The following ZNF90 variants were observed in gnomAD, a reference collection of about 807,000 sequenced individuals.
The protein encoded by ZNF90 is zinc finger protein 90, also known as zinc finger protein HTF9.
Under a neutral mutation model 12.0 loss-of-function variants are expected in ZNF90, and 11 were observed. That is an observed-to-expected ratio of 0.92 (90% CI 0.58 to 1.52). The LOEUF (loss-of-function observed/expected upper bound fraction) is 1.52. Ranked by LOEUF, ZNF90 falls within the 40% of genes most tolerant of loss-of-function variation. The probability of loss-of-function intolerance (pLI) is 0.00; values close to 1 mark genes in which losing one functional copy is unlikely to be tolerated. For missense variants in ZNF90, 765 were observed against 711.5 expected, an observed-to-expected ratio of 1.08 and a Z score of -0.86; for synonymous variants, 232 against 240.1, an observed-to-expected ratio of 0.97 and a Z score of 0.31.
Position 20,119,169 on chromosome 19 carries a change from T to C in ZNF90, c.1615T>C (p.Cys539Arg). The C allele has an allele frequency of 6.2e-7, 1 of 1,612,934 alleles. No individual in the cohort carries two copies. Among genetic ancestry groups the C allele is most frequent in the Non-Finnish European group, 8.5e-7 (1 of 1,179,350 alleles). The change falls in exon 4 of 4, where the codon TGT (cysteine) becomes CGT (arginine). Residue 539 changes from cysteine (C) to arginine (R), a missense_variant. Cys to Arg is a radical substitution (Grantham distance 180, BLOSUM62 -3). Coordinates refer to ENST00000418063, the MANE Select transcript of ZNF90 (RefSeq NM_007138.2). The part of the protein sequence containing the change: ...IIHTGAKPYK[C>R]EECGKAFKRS... ...TCATACTGGAGCGAAACCCTACAAATGTGAAGAATGTGGCAAAGCCTTTAA... is the reference window on the plus strand; with the variant it reads ...TCATACTGGAGCGAAACCCTACAAACGTGAAGAATGTGGCAAAGCCTTTAA...
intron 2 of ZNF90, among the ~76,000 whole-genome samples, chr19:20,104,779 G>A (rs2089018779): frequency 6.6e-6 from 1 of 152,210 alleles, no homozygotes; most frequent in South Asian, 2.1e-4. Flanking sequence ...CAGGTCGCCT[G>A]AGGTCAGCAG....
rs2089187701 is a variant in ZNF90, at chr19:20,120,701, A to ATGCTC, written c.*1341_*1342insTGCTC. 1.3e-5 allele frequency: 2 copies of ATGCTC among 152,236 alleles called. No homozygotes were observed. Among genetic ancestry groups the ATGCTC allele is most frequent in the African/African-American group, 2.4e-5 (1 of 41,460 alleles). 9.4% of individuals were successfully genotyped at this position (152,236 alleles called of 1,614,324 possible). A position where few individuals can be genotyped will look rare whatever the true frequency, so the allele number is the denominator to read the frequency against. Reference sequence around the variant, plus strand: ...ACACTAAAACAGTGTTGAGTATAAAAAAGAATCCACAACAAAAATTGTTAG... The same window carrying ATGCTC: ...ACACTAAAACAGTGTTGAGTATAAAATGCTCAAGAATCCACAACAAAAATTGTTAG... On this transcript the variant is annotated 3_prime_UTR_variant, in exon 4 of 4. Transcript: ENST00000418063.
chr19:20,109,598 T>C (rs188235311), intron 3 of ZNF90, among the ~76,000 whole-genome samples: 95 of 152,124 alleles, frequency 6.2e-4, no homozygotes, highest in African/African-American at 2.1e-3. Flanking sequence ...GGGTCAGGCA[T>C]GGTTGTGGCT....
At chr19:20,101,113 T>G (rs2088986292) in intron 1 of ZNF90, among the ~76,000 whole-genome samples, 5 of 152,082 alleles carry the variant, frequency 3.3e-5, no homozygotes, top group Admixed American at 3.3e-4. Flanking sequence ...CCAGACCCAC[T>G]GAAGACTTCC....
intron 1 of ZNF90, among the ~76,000 whole-genome samples, chr19:20,085,816 A>AT (rs768650811): frequency 3.1e-4 from 47 of 151,850 alleles, no homozygotes; most frequent in Non-Finnish European, 2.9e-4. Context: ...ACCTTTTGTC[A>AT]TTTTTTCTGA....
chr19:20,100,342 G>C (rs1555703714), intron 1 of ZNF90, among the ~76,000 whole-genome samples: 1 of 152,212 alleles, frequency 6.6e-6, no homozygotes, highest in Non-Finnish European at 1.5e-5. Flanking sequence ...CAAGCAGATA[G>C]TCAGGGCCTG....
Position 20,118,395 on chromosome 19 carries a change from G to T in ZNF90, c.841G>T (p.Gly281Ter), listed in dbSNP as rs781899741. The change falls in exon 4 of 4, where the codon GGA becomes TGA. Residue 281 changes from glycine to a stop codon, truncating the protein, a stop_gained. Transcript: ENST00000418063. LOFTEE classifies it low-confidence loss of function (END_TRUNC). ...TLTAHKRIHT[G>*]EKPYKCDKCG... The stretch of plus-strand genomic sequence containing the variant: ...TACTGCACATAAGAGAATTCATACT[G>T]GAGAGAAACCCTACAAGTGTGATAA... The T allele has an allele frequency of 5.0e-6, 8 of 1,607,130 alleles. No individual in the cohort carries two copies. The highest frequency in any genetic ancestry group is 6.8e-6 in the Non-Finnish European group (8 of 1,176,326).
chr19:20,104,542 T>G (rs782459594), intron 2 of ZNF90, among the ~76,000 whole-genome samples, 177 bp downstream of exon 2: 6 of 152,244 alleles, frequency 3.9e-5, no homozygotes, highest in Non-Finnish European at 8.8e-5. Flanking sequence ...TTCATCTTAA[T>G]TTAAACTTTC....
intron 3 of ZNF90, among the ~76,000 whole-genome samples, chr19:20,109,462 A>C (rs189866595): frequency 6.6e-6 from 1 of 152,130 alleles, no homozygotes; most frequent in Non-Finnish European, 1.5e-5. Context: ...CACTTTTGTG[A>C]TCTGAAGGTA....
At chr19:20,105,426 A>G (rs1475725105) in intron 3 of ZNF90, 110 bp downstream of exon 3, 6 of 852,848 alleles carry the variant, frequency 7.0e-6, no homozygotes, top group Middle Eastern at 2.4e-4. Context: ...TCCAAAGAGA[A>G]TAGTTCCTGG....
chr19:20,115,123 G>A (rs1555705532), intron 3 of ZNF90, among the ~76,000 whole-genome samples: 1 of 151,900 alleles, frequency 6.6e-6, no homozygotes, highest in Non-Finnish European at 1.5e-5. Context: ...TAATACTATT[G>A]TGACCTCTTC....
At chr19:20,107,887 C>T (rs1281874779) in intron 3 of ZNF90, among the ~76,000 whole-genome samples, 4 of 151,992 alleles carry the variant, frequency 2.6e-5, no homozygotes, top group Admixed American at 1.3e-4. Flanking sequence ...ACTTATAAAT[C>T]GAAGCTTTGC....
At chr19:20,112,059 A>C (rs1555705195) in intron 3 of ZNF90, among the ~76,000 whole-genome samples, 1 of 151,752 alleles carries the variant, frequency 6.6e-6, no homozygotes, top group Non-Finnish European at 1.5e-5. Flanking sequence ...GCGTTTCACA[A>C]TGTTGGCCAG....
At position 20,106,573 on chromosome 19, in the gene ZNF90, C is replaced by A. The variant is rs527382725; in HGVS notation, c.226+1257C>A. On this transcript the variant is annotated intron_variant, in intron 3 of 3. Transcript: ENST00000418063. The stretch of plus-strand genomic sequence containing the variant: ...GGTTCACGCCATTCTCCTGCCTCAG[C>A]TTCCCGAGTAGCTGGGACTACAGGC... Among the ~76,000 whole-genome samples, 19 of 152,318 alleles carry A rather than the reference C, an allele frequency of 1.2e-4. No individual in the cohort carries two copies. In the East Asian group the frequency reaches 3.7e-3, roughly 29 times the overall value.
chr19:20,083,867 A>G (rs782734254), intron 1 of ZNF90, among the ~76,000 whole-genome samples: 5 of 152,046 alleles, frequency 3.3e-5, no homozygotes, highest in Non-Finnish European at 4.4e-5. Flanking sequence ...CTCCTACCTC[A>G]TCCTCACAAG....
rs574324919 is a variant in ZNF90 at position 20,093,680 on chromosome 19, A to T, written c.4-10559A>T. Among the ~76,000 whole-genome samples the T allele has an allele frequency of 3.6e-3, 550 of 152,252 alleles. 1 individual carries two copies. Among genetic ancestry groups the T allele is most frequent in the South Asian group, 8.9e-3 (43 of 4,812 alleles). ...TTGGCACCAGAGTGGGGGAGTTTTC[A>T]GGGGTTTTGAAGCTTGGCCGTCAAT... is the stretch of plus-strand genomic sequence containing the variant. On this transcript the variant is annotated intron_variant, in intron 1 of 3. Coordinates refer to ENST00000418063, the MANE Select transcript of ZNF90 (RefSeq NM_007138.2).
At chr19:20,099,521 C>T (rs2088973468) in intron 1 of ZNF90, among the ~76,000 whole-genome samples, 2 of 152,218 alleles carry the variant, frequency 1.3e-5, no homozygotes, top group South Asian at 4.1e-4. Context: ...AGATTTAAAT[C>T]CCCTGTTAGG....
chr19:20,092,781 T>C (rs1341361420), intron 1 of ZNF90, among the ~76,000 whole-genome samples: 2 of 151,950 alleles, frequency 1.3e-5, no homozygotes, highest in Admixed American at 1.3e-4. Context: ...GGAGAAGAAA[T>C]TTGAGCTTTG....
chr19:20,118,452 C>G lies in ZNF90; in HGVS notation c.898C>G (p.Leu300Val). The G allele has an allele frequency of 6.2e-7, 1 of 1,613,028 alleles. No homozygotes were observed. Among genetic ancestry groups the G allele is most frequent in the Non-Finnish European group, 8.5e-7 (1 of 1,179,510 alleles). Residue 300 changes from leucine to valine, a missense_variant, in exon 4 of 4, where the codon CTT (leucine) becomes GTT (valine). By Grantham distance (32) the Leu-to-Val change is conservative. Coordinates refer to ENST00000418063, the MANE Select transcript of ZNF90 (RefSeq NM_007138.2). ...CGRAFISSSI[L>V]YVHKISHTEE... Reference sequence around the variant, plus strand: ...CAGAGCATTTATTTCATCCTCGATCCTTTATGTACATAAGATAAGTCATAC... The same window carrying G: ...CAGAGCATTTATTTCATCCTCGATCGTTTATGTACATAAGATAAGTCATAC...
Sources: gnomAD v4.1 joint callset for allele counts (sites outside exome capture counted in the v4.1 genomes callset) on GRCh38, gnomAD v4.1.1 for gene constraint, MANE v1.5 for transcripts, NCBI Gene and HGNC (gene_info 2026-07-23, HGNC 2026-07-21) for gene names.